The following LINGO2 variants were observed in gnomAD, a reference collection of about 807,000 sequenced individuals.
The protein encoded by LINGO2 is leucine-rich repeat and immunoglobulin-like domain-containing nogo receptor-interacting protein 2.
Under a neutral mutation model 30.6 loss-of-function variants are expected in LINGO2, and 14 were observed. The ratio of observed to expected loss-of-function variants is 0.46; its 90% confidence interval spans 0.30 to 0.72. The LOEUF (loss-of-function observed/expected upper bound fraction) is 0.72, where lower values mean the gene tolerates loss of function less well. Among genes scored for constraint, LINGO2 ranks in the 30% least tolerant of loss-of-function variants. The pLI is 0.07. For missense variants in LINGO2, 729 were observed against 751.7 expected, an observed-to-expected ratio of 0.97 and a Z score of 0.35; for synonymous variants, 317 against 288.5, an observed-to-expected ratio of 1.10 and a Z score of -1.00.
intron 1 of LINGO2, among the ~76,000 whole-genome samples, chr9:28,520,991 C>T (rs910182022): frequency 2.0e-5 from 3 of 152,080 alleles, no homozygotes; most frequent in African/African-American, 7.2e-5. Flanking sequence ...TTCTCAATGG[C>T]TGGATGTGTG....
the LINGO2 span, chr9:27,942,068 A>T: frequency 2.0e-5 from 3 of 152,178 alleles, no homozygotes; most frequent in Non-Finnish European, 4.4e-5. Context: ...GTGATACAGG[A>T]TTTAACTCCA....
chr9:29,039,715 C>G, the LINGO2 span, among the ~76,000 whole-genome samples: 1 of 152,122 alleles, frequency 6.6e-6, no homozygotes, highest in Non-Finnish European at 1.5e-5. Context: ...AACTCAATTC[C>G]AGGGACAGGC....
At chr9:28,172,187 C>A (rs961288065) in intron 4 of LINGO2, among the ~76,000 whole-genome samples, 4 of 150,786 alleles carry the variant, frequency 2.7e-5, no homozygotes, top group African/African-American at 7.3e-5. Context: ...GTCAGGAGAT[C>A]GAGACCATCC....
At position 27,958,802 on chromosome 9, in the gene LINGO2, C is replaced by G. The variant is rs190926706; in HGVS notation, c.-35-8096G>C. Among the ~76,000 whole-genome samples the G allele has an allele frequency of 7.6e-4, 115 of 152,150 alleles. 1 individual carries two copies. Among genetic ancestry groups the G allele is most frequent in the South Asian group, 4.2e-3 (20 of 4,812 alleles). ...CTACTGCAATACAGTTCTCACAAAG[C>G]CAGTTAGAAAGTGTTCCTTGATTTT... On this transcript the variant is annotated intron_variant, in intron 5 of 5. Transcript: ENST00000379992.
chr9:29,108,595 C>A, the LINGO2 span, among the ~76,000 whole-genome samples: 1 of 152,192 alleles, frequency 6.6e-6, no homozygotes, highest in South Asian at 2.1e-4. Flanking sequence ...GCTAATTATA[C>A]ATTACTTTGG....
At chr9:28,051,905 T>G (rs919038869) in intron 4 of LINGO2, among the ~76,000 whole-genome samples, 1 of 151,766 alleles carries the variant, frequency 6.6e-6, no homozygotes, top group Non-Finnish European at 1.5e-5. Context: ...AGTGTTAGAG[T>G]TTCTTATACC....
At chr9:29,153,563 T>C in the LINGO2 span, among the ~76,000 whole-genome samples, 1 of 152,188 alleles carries the variant, frequency 6.6e-6, no homozygotes, top group African/African-American at 2.4e-5. Flanking sequence ...ACTTTAGAAC[T>C]AAAAATAGAT....
At chr9:29,021,309 T>C in the LINGO2 span, among the ~76,000 whole-genome samples, 1 of 152,122 alleles carries the variant, frequency 6.6e-6, no homozygotes, top group East Asian at 1.9e-4. Context: ...TGTACACTCA[T>C]AGGTAAAATT....
chr9:28,139,919 A>G (rs1052839864), intron 4 of LINGO2, among the ~76,000 whole-genome samples: 2 of 152,170 alleles, frequency 1.3e-5, no homozygotes, highest in African/African-American at 2.4e-5. Flanking sequence ...TTAGTTGAAA[A>G]TATTTATGCT....
chr9:28,481,185 T>A lies in LINGO2; in HGVS notation c.-364-5160A>T, dbSNP rs570678890. On this transcript the variant is annotated intron_variant, in intron 1 of 5. Transcript: ENST00000379992. ...TCATTTCCTATGTGCAAATTCATAATGCAAAAGTGTATTGCAAATAGTTAA... is the reference window on the plus strand; with the variant it reads ...TCATTTCCTATGTGCAAATTCATAAAGCAAAAGTGTATTGCAAATAGTTAA... Among the ~76,000 whole-genome samples, 113 of 152,268 alleles carry A rather than the reference T, an allele frequency of 7.4e-4. 1 individual carries two copies. Among genetic ancestry groups the A allele is most frequent in the African/African-American group, 2.5e-3 (102 of 41,552 alleles).
At chr9:28,631,275 C>T (rs761023141) in intron 1 of LINGO2, among the ~76,000 whole-genome samples, 1 of 151,856 alleles carries the variant, frequency 6.6e-6, no homozygotes, top group African/African-American at 2.4e-5. Context: ...TCATCATTTA[C>T]ATTAGGTATA....
chr9:28,880,698 G>C, the LINGO2 span, among the ~76,000 whole-genome samples: 2 of 152,172 alleles, frequency 1.3e-5, no homozygotes, highest in African/African-American at 2.4e-5. Flanking sequence ...AGTTGAGATA[G>C]AGGAAGGCCA....
At chr9:28,363,488 G>A (rs1820537310) in intron 3 of LINGO2, among the ~76,000 whole-genome samples, 1 of 152,064 alleles carries the variant, frequency 6.6e-6, no homozygotes, top group African/African-American at 2.4e-5. Flanking sequence ...TAAGCCTTCA[G>A]GTAATAGTCA....
chr9:27,960,544 C>T (rs28680774), intron 5 of LINGO2, among the ~76,000 whole-genome samples: 11,427 of 149,404 alleles, frequency 0.076, 1,462 homozygotes, highest in African/African-American at 0.26. Flanking sequence ...CTGTAACACA[C>T]AAAATGTGGC....
exon 6 of LINGO2, chr9:27,948,899 C>A (rs1293548608): frequency 6.2e-7 from 1 of 1,613,700 alleles, no homozygotes; most frequent in Non-Finnish European, 8.5e-7. Context: ...CCTCCCCTTC[C>A]ACAACAGCAC....
intron 1 of LINGO2, among the ~76,000 whole-genome samples, chr9:28,635,866 C>T (rs890913943): frequency 6.6e-6 from 1 of 152,014 alleles, no homozygotes; most frequent in South Asian, 2.1e-4. Flanking sequence ...GGTACATGTG[C>T]ACAACGTACA....
chr9:28,894,834 C>A, the LINGO2 span, among the ~76,000 whole-genome samples: 5 of 152,096 alleles, frequency 3.3e-5, no homozygotes, highest in South Asian at 1.0e-3. Flanking sequence ...ATATGAATTA[C>A]TTCACATACT....
the LINGO2 span, among the ~76,000 whole-genome samples, chr9:28,729,635 C>T: frequency 6.6e-6 from 1 of 151,318 alleles, no homozygotes; most frequent in Non-Finnish European, 1.5e-5. Context: ...AAAACAGAGT[C>T]TCAAAGATAA....
At chr9:28,417,178 T>C (rs1480447689) in intron 2 of LINGO2, among the ~76,000 whole-genome samples, 3 of 152,198 alleles carry the variant, frequency 2.0e-5, no homozygotes, top group Admixed American at 6.5e-5. Flanking sequence ...TGAAGGACTC[T>C]GGCAAGGCCA....
Sources: gnomAD v4.1 joint callset for allele counts (sites outside exome capture counted in the v4.1 genomes callset) on GRCh38, gnomAD v4.1.1 for gene constraint, MANE v1.5 for transcripts, NCBI Gene and HGNC (gene_info 2026-07-23, HGNC 2026-07-21) for gene names.